SLC29A4: variants seen among roughly 807,000 people sequenced by gnomAD.
The protein encoded by SLC29A4 is equilibrative nucleoside transporter 4.
In SLC29A4, 36 loss-of-function variants were observed where a neutral mutation model predicts 43.9. The observed-to-expected ratio is 0.82, with a 90% CI of 0.63 to 1.08. The LOEUF is 1.08. Among genes scored for constraint, SLC29A4 ranks in the 50% least tolerant of loss-of-function variants. The pLI is 0.00. For missense variants in SLC29A4, 869 were observed against 755.3 expected, an observed-to-expected ratio of 1.15 and a Z score of -1.77; for synonymous variants, 491 against 338.0, an observed-to-expected ratio of 1.45 and a Z score of -4.97.
At position 5,306,376 on chromosome 7, in the gene SLC29A4, G is replaced by GT. The variant is rs1786497512; in HGVS notation, c.*3438dup. 1 of 151,294 alleles carries GT rather than the reference G, an allele frequency of 6.6e-6. No individual in the cohort carries two copies. 9.4% of individuals were successfully genotyped at this position (151,294 alleles called of 1,614,324 possible). A position where few individuals can be genotyped will look rare whatever the true frequency, so the allele number is the denominator to read the frequency against. ...CACCCGGCTAATTTTTGTATTTTTA[G>GT]TAGAGACGGGGTTTCACCACATTGC... is the stretch of plus-strand genomic sequence containing the variant. On this transcript the variant is annotated 3_prime_UTR_variant, in exon 11 of 11. Transcript: ENST00000396872.
Position 5,299,377 on chromosome 7 carries a change from C to T in SLC29A4, c.1159C>T (p.Leu387=), listed in dbSNP as rs1447123527. 1.2e-6 allele frequency: 2 copies of T among 1,612,334 alleles called. No homozygotes were observed. Among genetic ancestry groups the T allele is most frequent in the South Asian group, 1.1e-5 (1 of 91,006 alleles). Residue 387 remains leucine (L), a synonymous_variant, in exon 9 of 11, where the codon CTG becomes TTG. Coordinates refer to ENST00000396872, the MANE Select transcript of SLC29A4 (RefSeq NM_153247.4). Reference sequence around the variant, plus strand: ...CCGCCACTGCATCCTGGGCGAGTGGCTGCCCATCCTCATCATGGCTGTGTT... The same window carrying T: ...CCGCCACTGCATCCTGGGCGAGTGGTTGCCCATCCTCATCATGGCTGTGTT... The part of the protein sequence containing the change: ...EIRHCILGEW[L]PILIMAVFNL...
At chr7:5,288,384 A>C (rs1223459884) in intron 2 of SLC29A4, among the ~76,000 whole-genome samples, 1 of 133,594 alleles carries the variant, frequency 7.5e-6, no homozygotes, top group East Asian at 2.1e-4. Context: ...GGCTCACTGC[A>C]AGCTCCGCCT....
rs370489000 is a variant in SLC29A4, at chr7:5,299,017, C to T, written c.912C>T (p.Asn304=). 6.9e-5 allele frequency: 111 copies of T among 1,611,280 alleles called. No individual in the cohort carries two copies. Among genetic ancestry groups the T allele is most frequent in the East Asian group, 6.2e-4 (28 of 44,866 alleles). Residue 304 remains asparagine, a synonymous_variant, in exon 8 of 11, where the codon AAC becomes AAT. Coordinates refer to ENST00000396872, the MANE Select transcript of SLC29A4 (RefSeq NM_153247.4). ...ACCCAGCCCCGGCCCTGGCCCCCAA[C>T]GAGTCCCCAAAGGACAGCCCAGCCC... ...FEHPAPALAP[N]ESPKDSPAHE...
At position 5,306,837 on chromosome 7, in the gene SLC29A4, C is replaced by T; in HGVS notation, c.*3898C>T. On this transcript the variant is annotated 3_prime_UTR_variant, in exon 11 of 11. Coordinates refer to ENST00000396872, the MANE Select transcript of SLC29A4 (RefSeq NM_153247.4). ...TTTCTTTTTTTTTATGAAAAAAGAT[C>T]ACACAGAATTTGCCAACAAACAAAA... 1 of 151,104 alleles carries T rather than the reference C, an allele frequency of 6.6e-6. No individual in the cohort carries two copies. The highest frequency in any genetic ancestry group is 1.9e-4 in the East Asian group (1 of 5,166). The allele number at this position is 151,104 out of a possible 1,614,324, so 9.4% of individuals were successfully genotyped here.
intron 1 of SLC29A4, among the ~76,000 whole-genome samples, chr7:5,283,791 T>C (rs1469633753): frequency 6.6e-6 from 1 of 152,170 alleles, no homozygotes; most frequent in Non-Finnish European, 1.5e-5. Context: ...AGGCATCAAC[T>C]AACCAGGGCT....
rs1485199020 is a variant in SLC29A4 at position 5,302,791 on chromosome 7, C to G, written c.1451-6C>G. On this transcript the variant is annotated splice_polypyrimidine_tract_variant and splice_region_variant and intron_variant, in intron 10 of 10. Coordinates refer to ENST00000396872, the MANE Select transcript of SLC29A4 (RefSeq NM_153247.4). Reference sequence around the variant, plus strand: ...CCTGCTCCCCTCAGGCTGGTGTTGTCCACAGGGAACACCATGACCGTGTCC... The same window carrying G: ...CCTGCTCCCCTCAGGCTGGTGTTGTGCACAGGGAACACCATGACCGTGTCC... The G allele has an allele frequency of 1.9e-6, 3 of 1,553,178 alleles. No homozygotes were observed. Among genetic ancestry groups the G allele is most frequent in the Non-Finnish European group, 2.6e-6 (3 of 1,148,440 alleles).
In SLC29A4 at chr7:5,303,146, C is replaced by T; in HGVS notation, c.*207C>T. The T allele has an allele frequency of 1.6e-6, 1 of 632,812 alleles. No homozygotes were observed. 39.2% of individuals were successfully genotyped at this position (632,812 alleles called of 1,614,324 possible). A position where few individuals can be genotyped will look rare whatever the true frequency, so the allele number is the denominator to read the frequency against. On this transcript the variant is annotated 3_prime_UTR_variant, in exon 11 of 11. Transcript: ENST00000396872. ...GAGGACCGGAACACGTTTCTGCGACCCGGGGCTCTGGCCAGCACTGTGTTC... is the reference window on the plus strand; with the variant it reads ...GAGGACCGGAACACGTTTCTGCGACTCGGGGCTCTGGCCAGCACTGTGTTC...
In SLC29A4 at chr7:5,303,031, G is replaced by A. The variant is rs566280084; in HGVS notation, c.*92G>A. On this transcript the variant is annotated 3_prime_UTR_variant, in exon 11 of 11. Coordinates refer to ENST00000396872, the MANE Select transcript of SLC29A4 (RefSeq NM_153247.4). ...CCCCTGTCCCCACCTCAGTGCCTGC[G>A]GGGCCCTGAGCCTCCCCCTGTGCCA... is the stretch of plus-strand genomic sequence containing the variant. The A allele has an allele frequency of 7.3e-4, 1,043 of 1,422,576 alleles. 1 individual carries two copies. Among genetic ancestry groups the A allele is most frequent in the Admixed American group, 1.7e-3 (71 of 42,166 alleles). The allele number at this position is 1,422,576 out of a possible 1,614,324, so 88.1% of individuals were successfully genotyped here. A position where few individuals can be genotyped will look rare whatever the true frequency, so the allele number is the denominator to read the frequency against.
At position 5,291,219 on chromosome 7, in the gene SLC29A4, C is replaced by A. The variant is rs776429681; in HGVS notation, c.397C>A (p.His133Asn). The A allele has an allele frequency of 6.2e-7, 1 of 1,612,904 alleles. No homozygotes were observed. The highest frequency in any genetic ancestry group is 1.1e-5 in the South Asian group (1 of 91,030). The change falls in exon 4 of 11, where the codon CAC (histidine) becomes AAC (asparagine). Residue 133 changes from histidine to asparagine, a missense_variant. By Grantham distance (68) the His-to-Asn change is moderately conservative (BLOSUM62 1). Transcript: ENST00000396872. ...NNVLVERLTL[H>N]TRITAGYLLA... ...CGTCCTGGTGGAGAGACTGACCCTG[C>A]ACACCAGGATCACCGCAGGTGCGCT...
At position 5,305,863 on chromosome 7, in the gene SLC29A4, T is replaced by C. The variant is rs1379944601; in HGVS notation, c.*2924T>C. The C allele has an allele frequency of 2.0e-5, 3 of 146,342 alleles. No individual in the cohort carries two copies. Among genetic ancestry groups the C allele is most frequent in the African/African-American group, 7.7e-5 (3 of 38,992 alleles). 9.1% of individuals were successfully genotyped at this position (146,342 alleles called of 1,614,324 possible). A position where few individuals can be genotyped will look rare whatever the true frequency, so the allele number is the denominator to read the frequency against. ...TGAGCCACCATGCCTGGCACTGGTT[T>C]TTTGAGATGGAATCTCGTTATGTCA... On this transcript the variant is annotated 3_prime_UTR_variant, in exon 11 of 11. Transcript: ENST00000396872.
chr7:5,285,386 G>A (rs902203893), intron 1 of SLC29A4, among the ~76,000 whole-genome samples: 1 of 151,964 alleles, frequency 6.6e-6, no homozygotes, highest in African/African-American at 2.4e-5. Context: ...CCAGAAGTCC[G>A]GGACCGCCTC....
intron 9 of SLC29A4, among the ~76,000 whole-genome samples, chr7:5,299,670 C>T (rs759997796): frequency 6.6e-6 from 1 of 152,220 alleles, no homozygotes; most frequent in Non-Finnish European, 1.5e-5. Flanking sequence ...CCCTCACCCT[C>T]TCGCCTCACG....
intron 6 of SLC29A4, among the ~76,000 whole-genome samples, chr7:5,296,197 C>G (rs1034629899): frequency 2.0e-5 from 3 of 152,112 alleles, no homozygotes; most frequent in Admixed American, 1.3e-4. Context: ...GACAGGGGCC[C>G]TCTAACTGCC....
At position 5,297,134 on chromosome 7, in the gene SLC29A4, C is replaced by T; in HGVS notation, c.818C>T (p.Pro273Leu). 1.9e-6 allele frequency: 3 copies of T among 1,605,162 alleles called. No individual in the cohort carries two copies. The highest frequency in any genetic ancestry group is 2.2e-5 in the East Asian group (1 of 44,856). Reference protein sequence around the residue: ...TRPRDSHRGRPGLGRGYGYRV... With the variant: ...TRPRDSHRGRLGLGRGYGYRV... ...CCGCGTGACAGCCACCGGGGCAGGC[C>T]AGGCCTGGGCAGGGGCTATGGCTAC... The change falls in exon 7 of 11, where the codon CCA becomes CTA. Residue 273 changes from proline to leucine, a missense_variant. Coordinates refer to ENST00000396872, the MANE Select transcript of SLC29A4 (RefSeq NM_153247.4).
rs542441584 is a variant in SLC29A4 at position 5,291,486 on chromosome 7, C to A, written c.416-207C>A. ...CTTCCTTTCCCATTCCTCTGCACGG[C>A]AACATCCAGCTTCAAGGCCCGGCTC... On this transcript the variant is annotated intron_variant, in intron 4 of 10. Coordinates refer to ENST00000396872, the MANE Select transcript of SLC29A4 (RefSeq NM_153247.4). Among the ~76,000 whole-genome samples, 57 of 152,368 alleles carry A rather than the reference C, an allele frequency of 3.7e-4. No homozygotes were observed. In the East Asian group the frequency reaches 0.01, roughly 27 times the overall value.
chr7:5,299,259 C>T lies in SLC29A4; in HGVS notation c.1041C>T (p.Tyr347=), dbSNP rs141970112. 887 of 1,612,092 alleles carry T rather than the reference C, an allele frequency of 5.5e-4. 5 individuals are homozygous for T. In the African/African-American group the frequency reaches 0.01, roughly 18 times the overall value. ...CTCCAGCCCTGTTACTGCACCGCTA[C>T]GTGGTGGCGCGGGTGATCTGGGCCG... ...PTFRALLLHR[Y]VVARVIWADM... The change falls in exon 9 of 11, where the codon TAC becomes TAT. Residue 347 remains tyrosine (Y), a synonymous_variant. Coordinates refer to ENST00000396872, the MANE Select transcript of SLC29A4 (RefSeq NM_153247.4).
chr7:5,297,293 G>A (rs1785775865), intron 7 of SLC29A4, 95 bp downstream of exon 7: 1 of 1,369,634 alleles, frequency 7.3e-7, no homozygotes, highest in Non-Finnish European at 9.6e-7. Flanking sequence ...CCTCTCACCT[G>A]CATCCCAGAC....
rs1277654146 is a variant in SLC29A4 at position 5,287,838 on chromosome 7, C to T, written c.22C>T (p.Arg8Cys). Residue 8 changes from arginine (R) to cysteine (C), a missense_variant, in exon 2 of 11, where the codon CGC (arginine) becomes TGC (cysteine). Physicochemically the swap from Arg to Cys is radical, Grantham distance 180. Coordinates refer to ENST00000396872, the MANE Select transcript of SLC29A4 (RefSeq NM_153247.4). The stretch of plus-strand genomic sequence containing the variant: ...TGCCATGGGCTCCGTGGGGAGCCAG[C>T]GCCTTGAGGAGCCCAGCGTGGCAGG... MGSVGSQRLEEPSVAGTP... is the reference protein window; with the variant it reads MGSVGSQCLEEPSVAGTP... 1.1e-5 allele frequency: 17 copies of T among 1,611,358 alleles called. No individual in the cohort carries two copies. The highest frequency in any genetic ancestry group is 1.4e-5 in the Non-Finnish European group (16 of 1,179,736).
At chr7:5,297,742 A>G (rs1201268266) in intron 7 of SLC29A4, among the ~76,000 whole-genome samples, 2 of 151,966 alleles carry the variant, frequency 1.3e-5, no homozygotes, top group Non-Finnish European at 2.9e-5. Flanking sequence ...AGAATTTCCC[A>G]CAGAAGTCGC....
Sources: gnomAD v4.1 joint callset for allele counts (sites outside exome capture counted in the v4.1 genomes callset) on GRCh38, gnomAD v4.1.1 for gene constraint, MANE v1.5 for transcripts, NCBI Gene and HGNC (gene_info 2026-07-23, HGNC 2026-07-21) for gene names.